ZNF474: variants seen among roughly 807,000 people sequenced by gnomAD.
ZNF474 encodes the protein zinc finger protein 474.
For missense variants in ZNF474, 511 were observed against 433.8 expected (o/e 1.18, Z -1.58); for synonymous variants, 192 against 162.2 (o/e 1.18, Z -1.39).
intron 1 of ZNF474, among the ~76,000 whole-genome samples, chr5:122,148,504 AC>A (rs1200490460): frequency 5.9e-5 from 9 of 152,324 alleles, no homozygotes; most frequent in African/African-American, 2.2e-4. Context: ...ACTGAGCACT[AC>A]CTGGCCTCTT....
intron 1 of ZNF474, among the ~76,000 whole-genome samples, chr5:122,146,435 G>C (rs2152606027): frequency 1.3e-5 from 2 of 152,142 alleles, no homozygotes; most frequent in East Asian, 3.9e-4. Context: ...CATTGATCCA[G>C]TATTTATAGT....
chr5:122,132,348 A>G (rs925089013), intron 1 of ZNF474, among the ~76,000 whole-genome samples: 1 of 152,084 alleles, frequency 6.6e-6, no homozygotes, highest in Non-Finnish European at 1.5e-5. Flanking sequence ...ATTATTTAAA[A>G]TGTCAATACC....
chr5:122,143,966 C>T (rs1755918767), intron 1 of ZNF474, among the ~76,000 whole-genome samples: 1 of 151,994 alleles, frequency 6.6e-6, no homozygotes, highest in South Asian at 2.1e-4. Context: ...TTGTGTTTTC[C>T]TTTTTTTCTT....
chr5:122,151,653 A>ATATT (rs1333134914), intron 1 of ZNF474, 126 bp from the exon 2 acceptor site: 9 of 176,658 alleles, frequency 5.1e-5, no homozygotes, highest in Non-Finnish European at 9.6e-5. Context: ...TACAAGGTCA[A>ATATT]TATTTAAAAC....
chr5:122,139,046 A>G (rs987187332), intron 1 of ZNF474, among the ~76,000 whole-genome samples: 2 of 152,214 alleles, frequency 1.3e-5, no homozygotes, highest in African/African-American at 4.8e-5. Flanking sequence ...CAAAAGTACT[A>G]AATGATTGTA....
chr5:122,144,382 T>C (rs914207387), intron 1 of ZNF474, among the ~76,000 whole-genome samples: 13 of 152,156 alleles, frequency 8.5e-5, no homozygotes, highest in South Asian at 4.1e-4. Flanking sequence ...GTGAGAAGCA[T>C]TGGAAGAGTA....
intron 1 of ZNF474, among the ~76,000 whole-genome samples, chr5:122,144,183 A>C (rs898883482): frequency 2.0e-5 from 3 of 152,156 alleles, no homozygotes; most frequent in African/African-American, 7.2e-5. Flanking sequence ...TTCATTAGGA[A>C]GATTCCTTCC....
rs866698665 is a variant in ZNF474 at position 122,135,867 on chromosome 5, T to C, written c.-213+6184T>C. Among the ~76,000 whole-genome samples the C allele has an allele frequency of 4.2e-4, 64 of 152,190 alleles. No individual in the cohort carries two copies. The Middle Eastern group carries it at 0.01, about 24-fold the overall frequency. On this transcript the variant is annotated intron_variant, in intron 1 of 1. Transcript: ENST00000296600. ...ACATGGATGGAACTAGAGGACATTA[T>C]GTTAAGTGAAATAAGCTAAGCACAG...
chr5:122,141,162 TTTATTTTA>T (rs1755834278), intron 1 of ZNF474, among the ~76,000 whole-genome samples: 1 of 38,762 alleles, frequency 2.6e-5, no homozygotes, highest in Admixed American at 3.2e-4. Context: ...TTTATTTTAT[TTTATTTTA>T]TTTTTGGAAA....
At chr5:122,146,311 A>C (rs545624701) in intron 1 of ZNF474, among the ~76,000 whole-genome samples, 2 of 152,326 alleles carry the variant, frequency 1.3e-5, no homozygotes, top group Non-Finnish European at 2.9e-5. Flanking sequence ...GCTATCTGCT[A>C]GCTCTTTAAT....
In ZNF474 at chr5:122,153,379, T is replaced by A; in HGVS notation, c.*294T>A. ...TTGAAAATGAGTCATTAATGCTGTG[T>A]CTACATTACAGAGATATAATTCCCA... is the stretch of plus-strand genomic sequence containing the variant. On this transcript the variant is annotated 3_prime_UTR_variant, in exon 2 of 2. Coordinates refer to ENST00000296600, the MANE Select transcript of ZNF474 (RefSeq NM_207317.3). 2.8e-6 allele frequency: 1 copy of A among 360,252 alleles called. No homozygotes were observed. 22.3% of individuals were successfully genotyped at this position (360,252 alleles called of 1,614,324 possible).
chr5:122,149,510 A>G (rs1041752348), intron 1 of ZNF474, among the ~76,000 whole-genome samples: 1 of 152,166 alleles, frequency 6.6e-6, no homozygotes, highest in African/African-American at 2.4e-5. Flanking sequence ...TAAAACAGGG[A>G]TAAAAACTAA....
chr5:122,138,025 T>C (rs920136400), intron 1 of ZNF474, among the ~76,000 whole-genome samples: 1 of 152,190 alleles, frequency 6.6e-6, no homozygotes, highest in Non-Finnish European at 1.5e-5. Flanking sequence ...ATGCTAGATA[T>C]GGAAATGCTT....
chr5:122,152,573 A>C lies in ZNF474; in HGVS notation c.583A>C (p.Arg195=), dbSNP rs573931649. 3.2e-5 allele frequency: 51 copies of C among 1,614,214 alleles called. 2 individuals are homozygous for C. In the South Asian group the frequency reaches 5.4e-4, roughly 17 times the overall value. The change falls in exon 2 of 2, where the codon AGA becomes CGA. Residue 195 remains arginine (R), a synonymous_variant. Coordinates refer to ENST00000296600, the MANE Select transcript of ZNF474 (RefSeq NM_207317.3). ...RSCKPKGEGP[R]APHSNSSDHL... ...CTGCAAGCCAAAGGGTGAGGGTCCC[A>C]GAGCACCACACTCAAACAGTTCTGA... is the stretch of plus-strand genomic sequence containing the variant.
chr5:122,151,692 C>T, intron 1 of ZNF474, 87 bp from the exon 2 acceptor site: 1 of 204,920 alleles, frequency 4.9e-6, no homozygotes, highest in Non-Finnish European at 9.2e-6. Context: ...CACACACACA[C>T]AAAACAACCT....
chr5:122,140,383 A>T (rs1755808140), intron 1 of ZNF474, among the ~76,000 whole-genome samples: 1 of 152,342 alleles, frequency 6.6e-6, no homozygotes, highest in East Asian at 1.9e-4. Flanking sequence ...ATAGTTCTGC[A>T]AAATGTTACC....
At chr5:122,131,257 C>A (rs1755568889) in intron 1 of ZNF474, among the ~76,000 whole-genome samples, 1 of 151,992 alleles carries the variant, frequency 6.6e-6, no homozygotes, top group Non-Finnish European at 1.5e-5. Context: ...TATGGAAGTT[C>A]CTCAAAAAGT....
chr5:122,134,204 C>A (rs745846253), intron 1 of ZNF474, among the ~76,000 whole-genome samples: 1 of 152,120 alleles, frequency 6.6e-6, no homozygotes, highest in Non-Finnish European at 1.5e-5. Context: ...ATGTTGGGAG[C>A]AGCAGAGAGG....
rs375000570 is a variant in ZNF474, at chr5:122,140,004, T to C, written c.-213+10321T>C. ...GCCTATTATTGGTGTCCCATGAATG[T>C]AGGCCAATGGAATTCTCTGAAAAGT... On this transcript the variant is annotated intron_variant, in intron 1 of 1. Transcript: ENST00000296600. Among the ~76,000 whole-genome samples the C allele has an allele frequency of 4.6e-4, 70 of 152,326 alleles. 1 individual carries two copies. In the South Asian group the frequency reaches 1.0e-2, roughly 22 times the overall value.
Sources: gnomAD v4.1 joint callset for allele counts (sites outside exome capture counted in the v4.1 genomes callset) on GRCh38, gnomAD v4.1.1 for gene constraint, MANE v1.5 for transcripts, NCBI Gene and HGNC (gene_info 2026-07-23, HGNC 2026-07-21) for gene names.